Variants in TRAPPC8 observed in about 807,000 individuals in gnomAD.
TRAPPC8 encodes trafficking protein particle complex subunit 8.
Under a neutral mutation model 174.3 loss-of-function variants are expected in TRAPPC8, and 54 were observed. The observed-to-expected ratio is 0.31, with a 90% CI of 0.25 to 0.39. TRAPPC8 has a LOEUF of 0.39. TRAPPC8 is among the 10% of genes least tolerant of loss of function. The pLI is 1.00. For missense variants in TRAPPC8, 1,531 were observed against 1,699.1 expected, an observed-to-expected ratio of 0.90 and a Z score of 1.74; for synonymous variants, 630 against 579.9, an observed-to-expected ratio of 1.09 and a Z score of -1.24.
chr18:31,865,427 G>A (rs942125361), intron 18 of TRAPPC8, among the ~76,000 whole-genome samples: 19 of 151,880 alleles, frequency 1.3e-4, no homozygotes, highest in Non-Finnish European at 1.9e-4. Flanking sequence ...TTAATGTGCC[G>A]AAGGTCACTG....
intron 18 of TRAPPC8, among the ~76,000 whole-genome samples, chr18:31,866,355 C>A (rs1598630780): frequency 6.6e-6 from 1 of 152,014 alleles, no homozygotes; most frequent in East Asian, 1.9e-4. Context: ...ATGTGTAGAA[C>A]ATACTGTATA....
At chr18:31,932,689 G>C (rs1458872619) in intron 1 of TRAPPC8, among the ~76,000 whole-genome samples, 1 of 151,962 alleles carries the variant, frequency 6.6e-6, no homozygotes, top group Non-Finnish European at 1.5e-5. Flanking sequence ...ATTAAAAGCA[G>C]TCCATTACAG....
chr18:31,889,927 A>G (rs1024153465), intron 12 of TRAPPC8, among the ~76,000 whole-genome samples: 12 of 152,224 alleles, frequency 7.9e-5, no homozygotes, highest in Admixed American at 2.0e-4. Context: ...TTTGGTTAGC[A>G]CAGACTTAGA....
Position 31,880,090 on chromosome 18 carries a change from A to AATATATAT in TRAPPC8, c.1729-5394_1729-5387dup, listed in dbSNP as rs1246506445. ...TTTTACTGAAACTATTGAAAAAAAA[A>AATATATAT]ATATATATATATATATATATATATA... On this transcript the variant is annotated intron_variant, in intron 12 of 28. Coordinates refer to ENST00000283351, the MANE Select transcript of TRAPPC8 (RefSeq NM_014939.5). Among the ~76,000 whole-genome samples, 27 of 85,356 alleles carry AATATATAT rather than the reference A, an allele frequency of 3.2e-4. 1 individual carries two copies. The South Asian group carries it at 4.0e-3, about 13-fold the overall frequency. The allele number at this position is 85,356 out of a possible 152,430, so 56.0% of individuals were successfully genotyped here. A position where few individuals can be genotyped will look rare whatever the true frequency, so the allele number is the denominator to read the frequency against.
At chr18:31,877,191 A>C (rs905634657) in intron 12 of TRAPPC8, among the ~76,000 whole-genome samples, 8 of 152,164 alleles carry the variant, frequency 5.3e-5, no homozygotes, top group Non-Finnish European at 1.2e-4. Context: ...GAACATGAAG[A>C]GGGGATCATT....
At chr18:31,901,164 G>C in intron 9 of TRAPPC8, 139 bp from the exon 10 acceptor site, 1 of 636,934 alleles carries the variant, frequency 1.6e-6, no homozygotes, top group Non-Finnish European at 2.5e-6. Flanking sequence ...GCCTAATGCA[G>C]ACTTGAAAAA....
At position 31,909,185 on chromosome 18, in the gene TRAPPC8, G is replaced by A. The variant is rs557897152; in HGVS notation, c.866-175C>T. Among the ~76,000 whole-genome samples, 8 of 152,028 alleles carry A rather than the reference G, an allele frequency of 5.3e-5. No homozygotes were observed. The South Asian group carries it at 1.2e-3, about 24-fold the overall frequency. On this transcript the variant is annotated intron_variant, in intron 6 of 28. Transcript: ENST00000283351. ...CATCCCCCAGCCCCAAAATTAATGA[G>A]CTTGAGTTAATATTTGTTTTGGTAC...
At chr18:31,932,233 C>A (rs1199330538) in intron 1 of TRAPPC8, among the ~76,000 whole-genome samples, 5 of 152,106 alleles carry the variant, frequency 3.3e-5, no homozygotes, top group Non-Finnish European at 5.9e-5. Context: ...GGAGACAAGC[C>A]TGGCCAACAT....
At chr18:31,868,834 C>G (rs1354720955) in intron 16 of TRAPPC8, among the ~76,000 whole-genome samples, 2 of 152,006 alleles carry the variant, frequency 1.3e-5, no homozygotes, top group Non-Finnish European at 2.9e-5. Flanking sequence ...TCCCAGGTAG[C>G]TGGGACTACA....
chr18:31,884,975 TCC>T, intron 12 of TRAPPC8, among the ~76,000 whole-genome samples: 1 of 151,034 alleles, frequency 6.6e-6, no homozygotes, highest in Middle Eastern at 3.4e-3. Context: ...TGCCTCAGCC[TCC>T]CGAGTAGCTG....
chr18:31,936,171 C>A (rs2144303259), intron 1 of TRAPPC8, among the ~76,000 whole-genome samples: 1 of 152,122 alleles, frequency 6.6e-6, no homozygotes, highest in Admixed American at 6.5e-5. Context: ...TATTAAAAAA[C>A]CCTCTGGCTG....
chr18:31,855,595 T>C (rs1291925997), intron 21 of TRAPPC8, 65 bp downstream of exon 21: 17 of 1,440,844 alleles, frequency 1.2e-5, no homozygotes, highest in Non-Finnish European at 9.4e-7. Flanking sequence ...CAAAAACCAC[T>C]ACTAAACACA....
chr18:31,862,694 T>C (rs557070522), intron 19 of TRAPPC8, among the ~76,000 whole-genome samples: 32 of 152,048 alleles, frequency 2.1e-4, no homozygotes, highest in Non-Finnish European at 3.7e-4. Context: ...ACACCACCCA[T>C]CACCATTTTC....
chr18:31,894,338 A>C (rs1202804938), intron 11 of TRAPPC8, among the ~76,000 whole-genome samples: 1 of 152,216 alleles, frequency 6.6e-6, no homozygotes, highest in Non-Finnish European at 1.5e-5. Flanking sequence ...GAAGAGAAAT[A>C]AAAGGATTTT....
intron 8 of TRAPPC8, among the ~76,000 whole-genome samples, 165 bp from the exon 9 acceptor site, chr18:31,907,775 G>C (rs1338545953): frequency 3.3e-5 from 5 of 152,174 alleles, no homozygotes; most frequent in South Asian, 2.1e-4. Context: ...AAAATACCTG[G>C]AAACAGAAAG....
At chr18:31,880,046 A>T (rs546158043) in intron 12 of TRAPPC8, among the ~76,000 whole-genome samples, 11 of 144,244 alleles carry the variant, frequency 7.6e-5, no homozygotes, top group Non-Finnish European at 1.5e-4. Context: ...CCATATGCAC[A>T]AAGAAGAGCT....
At chr18:31,881,997 T>C (rs539994823) in intron 12 of TRAPPC8, among the ~76,000 whole-genome samples, 1 of 152,286 alleles carries the variant, frequency 6.6e-6, no homozygotes, top group African/African-American at 2.4e-5. Context: ...AGTTATACAC[T>C]GTTGGTGGGA....
chr18:31,880,081 G>GAAAAAAAAAAAAAAA (rs749972515), intron 12 of TRAPPC8, among the ~76,000 whole-genome samples: 3 of 52,734 alleles, frequency 5.7e-5, no homozygotes, highest in African/African-American at 1.9e-4. Flanking sequence ...TGAAACTATT[G>GAAAAAAAAAAAAAAA]AAAAAAAAAA....
At chr18:31,921,403 G>T (rs572211410) in intron 2 of TRAPPC8, among the ~76,000 whole-genome samples, 1 of 151,856 alleles carries the variant, frequency 6.6e-6, no homozygotes, top group African/African-American at 2.4e-5. Context: ...TACCTGAGGT[G>T]GGGAGTTCCA....
Sources: gnomAD v4.1 joint callset for allele counts (sites outside exome capture counted in the v4.1 genomes callset) on GRCh38, gnomAD v4.1.1 for gene constraint, MANE v1.5 for transcripts, NCBI Gene and HGNC (gene_info 2026-07-23, HGNC 2026-07-21) for gene names.